The following NELL1 variants were observed in gnomAD, a reference collection of about 807,000 sequenced individuals.
NELL1 encodes the protein protein kinase C-binding protein NELL1.
Under a neutral mutation model 107.4 loss-of-function variants are expected in NELL1, and 76 were observed. That is an observed-to-expected ratio of 0.71 (90% confidence interval 0.59 to 0.86). The LOEUF (loss-of-function observed/expected upper bound fraction) is 0.86, where lower values mean the gene tolerates loss of function less well. NELL1 is among the 40% of genes least tolerant of loss of function. The pLI, the probability that NELL1 is intolerant of heterozygous loss-of-function variation, is 0.00. For synonymous variants in NELL1, 353 were observed against 341.2 expected, an observed-to-expected ratio of 1.03 and a Z score of -0.38; for missense variants, 1,024 against 1,005.5, an observed-to-expected ratio of 1.02 and a Z score of -0.25.
At chr11:21,197,064 G>T (rs1260992141) in intron 13 of NELL1, among the ~76,000 whole-genome samples, 1 of 150,738 alleles carries the variant, frequency 6.6e-6, no homozygotes, top group Non-Finnish European at 1.5e-5. Flanking sequence ...TAGAGATGGG[G>T]TTTCACCATA....
At chr11:21,236,898 A>G (rs946526576) in intron 14 of NELL1, among the ~76,000 whole-genome samples, 3 of 152,160 alleles carry the variant, frequency 2.0e-5, no homozygotes, top group African/African-American at 7.2e-5. Context: ...ACTTTTGCCT[A>G]TAGTTTGCCA....
chr11:21,520,059 C>T (rs1437753149), intron 15 of NELL1, among the ~76,000 whole-genome samples: 1 of 152,132 alleles, frequency 6.6e-6, no homozygotes, highest in Admixed American at 6.6e-5. Context: ...ATGGAAGGTG[C>T]CCTTTAGACA....
chr11:21,445,208 A>C (rs1003704353), intron 15 of NELL1, among the ~76,000 whole-genome samples: 10 of 152,196 alleles, frequency 6.6e-5, no homozygotes, highest in East Asian at 1.9e-4. Flanking sequence ...TAGTTTACAC[A>C]CCACAATAGC....
chr11:21,337,837 T>TTTCCTTCTTTC (rs71034505), intron 14 of NELL1, among the ~76,000 whole-genome samples: 1 of 86,616 alleles, frequency 1.2e-5, no homozygotes, highest in African/African-American at 4.7e-5. Context: ...TCTTTCTTTC[T>TTTCCTTCTTTC]TTTCTTTCTT....
intron 15 of NELL1, among the ~76,000 whole-genome samples, chr11:21,518,545 C>T (rs565158941): frequency 6.6e-6 from 1 of 152,242 alleles, no homozygotes; most frequent in African/African-American, 2.4e-5. Context: ...AAATTGTATT[C>T]CTCCTTTTAA....
chr11:21,051,878 G>A (rs546348547), intron 12 of NELL1, among the ~76,000 whole-genome samples: 1 of 152,242 alleles, frequency 6.6e-6, no homozygotes, highest in Admixed American at 6.5e-5. Context: ...CCCTGCTTTT[G>A]TGGGGATTAC....
intron 14 of NELL1, among the ~76,000 whole-genome samples, chr11:21,370,590 A>G (rs1375935460): frequency 6.6e-6 from 1 of 152,112 alleles, no homozygotes. Context: ...TAAAAGTTAT[A>G]GCGGTTACTA....
At chr11:21,072,079 A>C (rs900678196) in intron 12 of NELL1, among the ~76,000 whole-genome samples, 6 of 152,106 alleles carry the variant, frequency 3.9e-5, no homozygotes, top group Non-Finnish European at 8.8e-5. Flanking sequence ...GAAGAGAATA[A>C]ATTTAAACTA....
At chr11:21,251,915 A>G (rs1474467768) in intron 14 of NELL1, among the ~76,000 whole-genome samples, 1 of 152,148 alleles carries the variant, frequency 6.6e-6, no homozygotes, top group Non-Finnish European at 1.5e-5. Context: ...AGAGCTTCAG[A>G]CTACCGGAAA....
At chr11:21,344,218 GTAAC>G (rs1337744904) in intron 14 of NELL1, among the ~76,000 whole-genome samples, 10 of 152,282 alleles carry the variant, frequency 6.6e-5, no homozygotes, top group African/African-American at 1.9e-4. Flanking sequence ...TGAAAGCTGT[GTAAC>G]TAAGTACAGT....
chr11:21,141,102 T>C (rs923945456), intron 13 of NELL1, among the ~76,000 whole-genome samples: 1 of 152,232 alleles, frequency 6.6e-6, no homozygotes, highest in African/African-American at 2.4e-5. Flanking sequence ...AATTAGAGAC[T>C]CAATTTTATT....
At chr11:20,959,868 CA>C (rs1851254493) in intron 11 of NELL1, among the ~76,000 whole-genome samples, 1 of 152,080 alleles carries the variant, frequency 6.6e-6, no homozygotes, top group Admixed American at 6.5e-5. Context: ...AGATTTCCCT[CA>C]TATGGAGTTT....
Position 20,928,405 on chromosome 11 carries a change from C to A in NELL1, c.923C>A (p.Ser308Tyr). 1 of 1,614,000 alleles carries A rather than the reference C, an allele frequency of 6.2e-7. No individual in the cohort carries two copies. Among genetic ancestry groups the A allele is most frequent in the Non-Finnish European group, 8.5e-7 (1 of 1,179,932 alleles). The change falls in exon 9 of 20, where the codon TCC becomes TAC. Residue 308 changes from serine (S) to tyrosine (Y), a missense_variant. Physicochemically the swap from Ser to Tyr is moderately radical, Grantham distance 144. Coordinates refer to ENST00000357134, the MANE Select transcript of NELL1 (RefSeq NM_006157.5). The stretch of plus-strand genomic sequence containing the variant: ...GGTGCCGTGGAATGCCGAAGGATGT[C>A]CTGTCCCCCTCTCAATTGCTCCCCA... ...KSGAVECRRM[S>Y]CPPLNCSPDS... is the part of the protein sequence containing the mutation.
chr11:21,301,471 T>C (rs1403208934), intron 14 of NELL1, among the ~76,000 whole-genome samples: 1 of 152,230 alleles, frequency 6.6e-6, no homozygotes, highest in Non-Finnish European at 1.5e-5. Flanking sequence ...ATTGTGGTTT[T>C]CATTTTCATT....
intron 2 of NELL1, among the ~76,000 whole-genome samples, chr11:20,747,606 C>T (rs190231022): frequency 6.6e-6 from 1 of 152,272 alleles, no homozygotes; most frequent in African/African-American, 2.4e-5. Flanking sequence ...AAAGCAGAAC[C>T]CTTATCACCT....
At chr11:21,394,363 T>C (rs1208417213) in intron 15 of NELL1, among the ~76,000 whole-genome samples, 6 of 151,518 alleles carry the variant, frequency 4.0e-5, no homozygotes, top group Non-Finnish European at 8.9e-5. Context: ...ATAAATAATA[T>C]ATACAGAACT....
intron 13 of NELL1, among the ~76,000 whole-genome samples, chr11:21,148,929 A>C (rs1035775490): frequency 1.3e-5 from 2 of 152,188 alleles, no homozygotes; most frequent in Admixed American, 1.3e-4. Flanking sequence ...CTAAGGGCTC[A>C]TTGATACTTT....
At chr11:20,692,470 A>C (rs980164997) in intron 2 of NELL1, among the ~76,000 whole-genome samples, 4 of 151,336 alleles carry the variant, frequency 2.6e-5, no homozygotes, top group African/African-American at 9.7e-5. Flanking sequence ...TGTCCCAGAG[A>C]TTCTGGTATG....
chr11:21,297,071 A>G (rs1849390342), intron 14 of NELL1, among the ~76,000 whole-genome samples: 1 of 151,664 alleles, frequency 6.6e-6, no homozygotes, highest in South Asian at 2.1e-4. Context: ...ATTTATTTCT[A>G]TGTAGGCATT....
Sources: allele counts gnomAD v4.1 joint callset (sites outside exome capture counted in the v4.1 genomes callset), GRCh38; gene constraint gnomAD v4.1.1; transcripts MANE v1.5; gene names NCBI Gene and HGNC (gene_info 2026-07-23, HGNC 2026-07-21).